Variants in INTS3 observed in about 807,000 individuals in gnomAD.
The protein encoded by INTS3 is integrator complex subunit 3, also known as SOSS complex subunit A.
In INTS3, 34 loss-of-function variants were observed where a neutral mutation model predicts 146.3. The ratio of observed to expected loss-of-function variants is 0.23; its 90% confidence interval spans 0.18 to 0.31. The LOEUF (loss-of-function observed/expected upper bound fraction) is 0.31. Ranked by LOEUF, INTS3 falls within the 10% of genes least tolerant of loss-of-function variation. The pLI, the probability that INTS3 is intolerant of heterozygous loss-of-function variation, is 1.00. For missense variants in INTS3, 757 were observed against 1,304.2 expected (o/e 0.58, Z 6.46); for synonymous variants, 475 against 494.9 (o/e 0.96, Z 0.53).
In INTS3 at chr1:153,772,746, G is replaced by A. The variant is rs768871969; in HGVS notation, c.2894+35G>A. 1.8e-5 allele frequency: 29 copies of A among 1,609,144 alleles called. No homozygotes were observed. The South Asian group carries it at 1.9e-4, about 10-fold the overall frequency. On this transcript the variant is annotated intron_variant, in intron 28 of 29. Transcript: ENST00000318967. This position sits in a 1 kb window ranked among gnomAD's most constrained non-coding sequence, Gnocchi z 4.6. ...CTGCCACTTTGGGCCTTGGAAAGTA[G>A]TAGGGGAAAAGCCTAAGGGAGAGGA...
rs543292470 is a variant in INTS3 at position 153,767,480 on chromosome 1, A to G, written c.2091-194A>G. On this transcript the variant is annotated intron_variant, in intron 20 of 29. Transcript: ENST00000318967. The stretch of plus-strand genomic sequence containing the variant: ...CCTTTTGAGCTCTGGGGAAGGATGG[A>G]CAGAAAGAAGAGTATCCCCTGGTTC... 464 of 482,340 alleles carry G rather than the reference A, an allele frequency of 9.6e-4. 1 individual carries two copies. Among genetic ancestry groups the G allele is most frequent in the Admixed American group, 2.2e-3 (54 of 25,018 alleles). 29.9% of individuals were successfully genotyped at this position (482,340 alleles called of 1,614,324 possible).
At position 153,772,833 on chromosome 1, in the gene INTS3, A is replaced by G; in HGVS notation, c.2895-92A>G. ...CCTTAGGGTCCAGGGTTGAAGAAAA[A>G]GAAGGCCTAGGCCTGGGGGCAGAGA... On this transcript the variant is annotated intron_variant, in intron 28 of 29. Coordinates refer to ENST00000318967, the MANE Select transcript of INTS3 (RefSeq NM_023015.5). The surrounding 1 kb of genome is among the most constrained non-coding windows in gnomAD (Gnocchi z 4.6). 6.3e-7 allele frequency: 1 copy of G among 1,586,246 alleles called. No individual in the cohort carries two copies. Among genetic ancestry groups the G allele is most frequent in the South Asian group, 1.1e-5 (1 of 89,642 alleles).
At chr1:153,771,019 G>T (rs548111626) in intron 25 of INTS3, among the ~76,000 whole-genome samples, 11 of 152,162 alleles carry the variant, frequency 7.2e-5, no homozygotes, top group African/African-American at 2.7e-4. Context: ...ATCCCTGGTG[G>T]CTCCTGCTCC....
intron 10 of INTS3, among the ~76,000 whole-genome samples, chr1:153,758,459 GA>G (rs1175996978): frequency 1.3e-5 from 2 of 152,210 alleles, no homozygotes; most frequent in Non-Finnish European, 2.9e-5. Flanking sequence ...GTGGACTTCT[GA>G]GTCCAAGCAT....
In INTS3 at chr1:153,773,579, C is replaced by T. The variant is rs557633144; in HGVS notation, c.*309C>T. On this transcript the variant is annotated 3_prime_UTR_variant, in exon 30 of 30. Transcript: ENST00000318967. Reference sequence around the variant, plus strand: ...AAGTCCTCAGCCCCCTGGCCCCTTCCGCAATCTCCTCCCCCAGTCTCCCAA... The same window carrying T: ...AAGTCCTCAGCCCCCTGGCCCCTTCTGCAATCTCCTCCCCCAGTCTCCCAA... The T allele has an allele frequency of 1.5e-5, 7 of 465,602 alleles. No homozygotes were observed. The highest frequency in any genetic ancestry group is 7.8e-5 in the South Asian group (2 of 25,800). 28.8% of individuals were successfully genotyped at this position (465,602 alleles called of 1,614,324 possible). A position where few individuals can be genotyped will look rare whatever the true frequency, so the allele number is the denominator to read the frequency against.
intron 7 of INTS3, 52 bp downstream of exon 7, chr1:153,751,291 A>T: frequency 6.3e-7 from 1 of 1,588,468 alleles, no homozygotes; most frequent in South Asian, 1.1e-5. Flanking sequence ...AGGCTAAGAT[A>T]CCTCTGGAGG....
intron 1 of INTS3, among the ~76,000 whole-genome samples, chr1:153,729,684 G>T (rs1174525794): frequency 6.6e-6 from 1 of 152,058 alleles, no homozygotes; most frequent in Admixed American, 6.6e-5. Flanking sequence ...TGGCCAACAT[G>T]GTGAAACCCC....
In INTS3 at chr1:153,770,347, T is replaced by C. The variant is rs749679240; in HGVS notation, c.2503+36T>C. 1.8e-5 allele frequency: 23 copies of C among 1,251,208 alleles called. No homozygotes were observed. The Admixed American group carries it at 3.0e-4, about 16-fold the overall frequency. 77.5% of individuals were successfully genotyped at this position (1,251,208 alleles called of 1,614,324 possible). On this transcript the variant is annotated intron_variant, in intron 24 of 29. Transcript: ENST00000318967. ...TTTTGGGTAGGGAGCACATCAGATA[T>C]GACACTTCCTATACAGTTAGGGCAA...
intron 1 of INTS3, among the ~76,000 whole-genome samples, chr1:153,740,315 G>A (rs7556575): frequency 0.13 from 19,076 of 151,996 alleles, 2,075 homozygotes; most frequent in African/African-American, 0.29. Flanking sequence ...GGCCAGGCTG[G>A]TCTTGAACTC....
chr1:153,760,550 A>G (rs563643696), intron 12 of INTS3, 160 bp downstream of exon 12: 1 of 649,212 alleles, frequency 1.5e-6, no homozygotes, highest in South Asian at 1.9e-5. Flanking sequence ...TCCCTTCCAT[A>G]TTCCACTGTC....
rs1176829843 is a variant in INTS3 at position 153,771,976 on chromosome 1, C to G, written c.2720+13C>G. On this transcript the variant is annotated intron_variant, in intron 26 of 29. Coordinates refer to ENST00000318967, the MANE Select transcript of INTS3 (RefSeq NM_023015.5). Reference sequence around the variant, plus strand: ...GCAAGAGACAGAGGTGGGACACGGTCCCTGTCTACCCTCCAGGCCATGGCG... The same window carrying G: ...GCAAGAGACAGAGGTGGGACACGGTGCCTGTCTACCCTCCAGGCCATGGCG... The G allele has an allele frequency of 6.2e-7, 1 of 1,606,860 alleles. No homozygotes were observed. The highest frequency in any genetic ancestry group is 8.5e-7 in the Non-Finnish European group (1 of 1,176,452).
intron 1 of INTS3, among the ~76,000 whole-genome samples, chr1:153,737,138 T>C (rs1671325791): frequency 6.6e-6 from 1 of 152,212 alleles, no homozygotes. Flanking sequence ...ATAGAACCAC[T>C]TCTCAATAAG....
At chr1:153,745,995 C>T (rs554864960) in intron 3 of INTS3, among the ~76,000 whole-genome samples, 2 of 152,236 alleles carry the variant, frequency 1.3e-5, no homozygotes, top group African/African-American at 2.4e-5. Flanking sequence ...GTACCAGCTA[C>T]GCAGAAGTTC....
chr1:153,747,273 C>A lies in INTS3; in HGVS notation c.433-6C>A. On this transcript the variant is annotated splice_polypyrimidine_tract_variant and splice_region_variant and intron_variant, in intron 4 of 29. Transcript: ENST00000318967. ...CTCTTCATCTGTTTTTCCCTCTTTCCTTTAGTTGGTGTGGTTGGTACGGGA... is the reference window on the plus strand; with the variant it reads ...CTCTTCATCTGTTTTTCCCTCTTTCATTTAGTTGGTGTGGTTGGTACGGGA... 1 of 1,613,320 alleles carries A rather than the reference C, an allele frequency of 6.2e-7. No individual in the cohort carries two copies. Among genetic ancestry groups the A allele is most frequent in the Non-Finnish European group, 8.5e-7 (1 of 1,179,302 alleles).
intron 17 of INTS3, 101 bp downstream of exon 17, chr1:153,763,987 T>G: frequency 7.7e-7 from 1 of 1,302,672 alleles, no homozygotes; most frequent in South Asian, 1.2e-5. Flanking sequence ...CCTAGATGAG[T>G]CCCTCTTATA....
At chr1:153,764,881 A>C in intron 19 of INTS3, 63 bp from the exon 20 acceptor site, 1 of 1,605,744 alleles carries the variant, frequency 6.2e-7, no homozygotes, top group Non-Finnish European at 8.5e-7. Flanking sequence ...CACCTGAGAA[A>C]CTCCATGGGA....
In INTS3 at chr1:153,772,190, C is replaced by T. The variant is rs1570889167; in HGVS notation, c.2721-150C>T. 18 of 989,844 alleles carry T rather than the reference C, an allele frequency of 1.8e-5. No homozygotes were observed. Among genetic ancestry groups the T allele is most frequent in the Non-Finnish European group, 2.5e-5 (17 of 670,684 alleles). 61.3% of individuals were successfully genotyped at this position (989,844 alleles called of 1,614,324 possible). A position where few individuals can be genotyped will look rare whatever the true frequency, so the allele number is the denominator to read the frequency against. On this transcript the variant is annotated intron_variant, in intron 26 of 29. Transcript: ENST00000318967. This position sits in a 1 kb window ranked among gnomAD's most constrained non-coding sequence, Gnocchi z 4.6. ...CCAGGATCCCCTGTTCTAGGCACAC[C>T]TTTCTCACCCAACCCCAGCCCTCCC...
At chr1:153,761,143 C>G in intron 13 of INTS3, 2 of 1,188,218 alleles carry the variant, frequency 1.7e-6, no homozygotes, top group Non-Finnish European at 2.3e-6. Flanking sequence ...CTGTTGACCC[C>G]CTTCAGGGAT....
chr1:153,738,364 G>A (rs1671381472), intron 1 of INTS3, among the ~76,000 whole-genome samples: 1 of 152,206 alleles, frequency 6.6e-6, no homozygotes, highest in Non-Finnish European at 1.5e-5. Flanking sequence ...AAAGTGCTGG[G>A]ATTACAGGTG....
Sources: allele counts gnomAD v4.1 joint callset (sites outside exome capture counted in the v4.1 genomes callset), GRCh38; gene constraint gnomAD v4.1.1; non-coding constraint Gnocchi (gnomAD v3.1); transcripts MANE v1.5; gene names NCBI Gene and HGNC (gene_info 2026-07-23, HGNC 2026-07-21).